CBFA2T2: variants seen among roughly 807,000 people sequenced by gnomAD.
CBFA2T2 encodes the protein protein CBFA2T2.
A neutral mutation model predicts 62.2 loss-of-function variants in CBFA2T2; 11 were observed. The ratio of observed to expected loss-of-function variants is 0.18; its 90% CI spans 0.11 to 0.29. The LOEUF (loss-of-function observed/expected upper bound fraction) is 0.29, where lower values mean the gene tolerates loss of function less well. CBFA2T2 is among the 10% of genes least tolerant of loss of function. The probability of loss-of-function intolerance (pLI) is 1.00; values close to 1 mark genes in which losing one functional copy is unlikely to be tolerated. For synonymous variants in CBFA2T2, 295 were observed against 287.5 expected (o/e 1.03, Z -0.27); for missense variants, 592 against 774.1 (o/e 0.76, Z 2.79).
intron 1 of CBFA2T2, among the ~76,000 whole-genome samples, chr20:33,515,168 T>C (rs977691875): frequency 1.3e-5 from 2 of 151,486 alleles, no homozygotes; most frequent in Non-Finnish European, 2.9e-5. Flanking sequence ...AGCAAAAACA[T>C]GGTGAAATCC....
chr20:33,589,458 A>G (rs1055135319), intron 1 of CBFA2T2, among the ~76,000 whole-genome samples: 1 of 152,262 alleles, frequency 6.6e-6, no homozygotes, highest in African/African-American at 2.4e-5. Flanking sequence ...AAAAATAAGA[A>G]TAAACCCAAA....
At chr20:33,587,795 C>T (rs1267113701) in intron 1 of CBFA2T2, among the ~76,000 whole-genome samples, 1 of 152,204 alleles carries the variant, frequency 6.6e-6, no homozygotes, top group African/African-American at 2.4e-5. Context: ...ACATGTATTT[C>T]CTTTTAACTT....
intron 1 of CBFA2T2, among the ~76,000 whole-genome samples, chr20:33,564,312 G>C (rs1465140811): frequency 6.6e-6 from 1 of 150,572 alleles, no homozygotes; most frequent in East Asian, 1.9e-4. Context: ...CGCGCAGGTG[G>C]AGTGCAGTGG....
intron 1 of CBFA2T2, among the ~76,000 whole-genome samples, chr20:33,578,021 A>G (rs2013909526): frequency 6.6e-6 from 1 of 152,190 alleles, no homozygotes; most frequent in Admixed American, 6.6e-5. Context: ...GGTAAATATG[A>G]AACTTGCTTC....
chr20:33,505,568 G>C (rs1195606065), intron 1 of CBFA2T2, among the ~76,000 whole-genome samples: 1 of 152,112 alleles, frequency 6.6e-6, no homozygotes, highest in Non-Finnish European at 1.5e-5. Context: ...TGAATCACTG[G>C]AGGTCAGGAG....
chr20:33,601,003 T>G (rs913190573), intron 1 of CBFA2T2, among the ~76,000 whole-genome samples: 3 of 152,072 alleles, frequency 2.0e-5, no homozygotes, highest in Non-Finnish European at 4.4e-5. Flanking sequence ...CATATTGTGA[T>G]ATTATAAAAC....
In CBFA2T2 at chr20:33,644,671, G is replaced by A. The variant is rs2016989774; in HGVS notation, c.*25G>A. The A allele has an allele frequency of 6.4e-6, 10 of 1,574,142 alleles. No homozygotes were observed. In the East Asian group the frequency reaches 2.3e-4, roughly 36 times the overall value. On this transcript the variant is annotated 3_prime_UTR_variant, in exon 11 of 11. Coordinates refer to ENST00000342704, the MANE Select transcript of CBFA2T2 (RefSeq NM_001032999.3). ...AGCCCCGGACTCTGCTTACCCTGAT[G>A]GCTGCTCAGCACCACAGAGTGCTTG...
At chr20:33,625,755 A>G (rs954808062) in intron 6 of CBFA2T2, among the ~76,000 whole-genome samples, 2 of 152,142 alleles carry the variant, frequency 1.3e-5, no homozygotes, top group African/African-American at 2.4e-5. Context: ...TGATACCAGC[A>G]TGGGCAACAT....
At chr20:33,535,623 C>CTT (rs921017430) in intron 1 of CBFA2T2, among the ~76,000 whole-genome samples, 6 of 117,490 alleles carry the variant, frequency 5.1e-5, no homozygotes, top group Admixed American at 1.0e-4. Context: ...TTTATTTTTT[C>CTT]TTTTTTTTTT....
intron 1 of CBFA2T2, among the ~76,000 whole-genome samples, chr20:33,567,710 G>A (rs2013391082): frequency 6.6e-6 from 1 of 151,756 alleles, no homozygotes; most frequent in Non-Finnish European, 1.5e-5. Flanking sequence ...AGCCTCCCAA[G>A]TAGCTGGGAT....
intron 1 of CBFA2T2, among the ~76,000 whole-genome samples, chr20:33,602,437 T>TAA (rs199791529): frequency 1.4e-4 from 19 of 132,420 alleles, no homozygotes; most frequent in Non-Finnish European, 1.5e-4. Flanking sequence ...AGTCTCTGAT[T>TAA]AAAAAAAAAA....
At chr20:33,506,657 C>G (rs1313070502) in intron 1 of CBFA2T2, among the ~76,000 whole-genome samples, 5 of 152,310 alleles carry the variant, frequency 3.3e-5, no homozygotes, top group African/African-American at 9.6e-5. Flanking sequence ...GATTAACCAT[C>G]TTTTCCTCTT....
intron 1 of CBFA2T2, among the ~76,000 whole-genome samples, chr20:33,516,948 C>T (rs1021711528): frequency 3.9e-5 from 6 of 152,140 alleles, no homozygotes; most frequent in African/African-American, 1.4e-4. Flanking sequence ...CAGCAACATT[C>T]GATATTGATT....
intron 1 of CBFA2T2, among the ~76,000 whole-genome samples, chr20:33,508,432 G>GT (rs995105497): frequency 1.3e-5 from 2 of 152,036 alleles, no homozygotes; most frequent in African/African-American, 4.8e-5. Context: ...TTGTTTGTTT[G>GT]TTTTTTTAGC....
chr20:33,598,810 A>G (rs1230479151), intron 1 of CBFA2T2, among the ~76,000 whole-genome samples: 2 of 152,236 alleles, frequency 1.3e-5, no homozygotes, highest in Non-Finnish European at 2.9e-5. Context: ...TTGGGGAACT[A>G]ATAAATGTCC....
chr20:33,546,015 A>G lies in CBFA2T2; in HGVS notation c.34+55714A>G, dbSNP rs149042305. Among the ~76,000 whole-genome samples, 740 of 152,350 alleles carry G rather than the reference A, an allele frequency of 4.9e-3. 9 individuals carry two copies. The highest frequency in any genetic ancestry group is 0.016 in the African/African-American group (683 of 41,588). On this transcript the variant is annotated intron_variant, in intron 1 of 10. Transcript: ENST00000342704. Reference sequence around the variant, plus strand: ...AGTAGGATGTTTTGTTAAATGTCCTACAAGGCCTGTATCTTTCTGTGCAAG... The same window carrying G: ...AGTAGGATGTTTTGTTAAATGTCCTGCAAGGCCTGTATCTTTCTGTGCAAG...
chr20:33,518,307 G>C (rs149729532), intron 1 of CBFA2T2, among the ~76,000 whole-genome samples: 211 of 152,182 alleles, frequency 1.4e-3, no homozygotes, highest in African/African-American at 4.8e-3. Context: ...CATGCTGTTA[G>C]TATTTTTCTC....
chr20:33,581,727 A>G (rs1454322496), intron 1 of CBFA2T2, among the ~76,000 whole-genome samples: 2 of 152,220 alleles, frequency 1.3e-5, no homozygotes, highest in Non-Finnish European at 2.9e-5. Context: ...GAGAGATTCT[A>G]TGCTGTGTAG....
At chr20:33,559,356 TAGAG>T (rs1215064487) in intron 1 of CBFA2T2, among the ~76,000 whole-genome samples, 1 of 151,850 alleles carries the variant, frequency 6.6e-6, no homozygotes, top group African/African-American at 2.4e-5. Context: ...GTATTTTTAG[TAGAG>T]AGAGAGTTTC....
Sources: gnomAD v4.1 joint callset for allele counts (sites outside exome capture counted in the v4.1 genomes callset) on GRCh38, gnomAD v4.1.1 for gene constraint, MANE v1.5 for transcripts, NCBI Gene and HGNC (gene_info 2026-07-23, HGNC 2026-07-21) for gene names.